The following DPP4 variants were observed in gnomAD, a reference collection of about 807,000 sequenced individuals.
The protein encoded by DPP4 is dipeptidyl peptidase 4, also known as ADCP-2.
In DPP4, 93 loss-of-function variants were observed where a neutral mutation model predicts 122.4. The ratio of observed to expected loss-of-function variants is 0.76; its 90% CI spans 0.64 to 0.90. The LOEUF is 0.90. Ranked by LOEUF, DPP4 falls within the 40% of genes least tolerant of loss-of-function variation. The pLI, the probability that DPP4 is intolerant of heterozygous loss-of-function variation, is 0.00. For synonymous variants in DPP4, 321 were observed against 302.9 expected (o/e 1.06, Z -0.62); for missense variants, 914 against 907.3 (o/e 1.01, Z -0.09).
intron 8 of DPP4, among the ~76,000 whole-genome samples, chr2:162,037,982 G>T (rs946022480): frequency 1.3e-5 from 2 of 152,112 alleles, no homozygotes; most frequent in African/African-American, 4.8e-5. Flanking sequence ...CTTAATTAGA[G>T]AAATATCTGA....
chr2:161,997,036 A>T lies in DPP4; in HGVS notation c.2053-1664T>A, dbSNP rs535725372. Among the ~76,000 whole-genome samples the T allele has an allele frequency of 2.6e-5, 4 of 152,318 alleles. No homozygotes were observed. The East Asian group carries it at 7.7e-4, about 29-fold the overall frequency. ...TTAACAGTGTTTCTGGAAAAAAGAC[A>T]TTTTATCTACGACTTTCAGGACAGA... is the stretch of plus-strand genomic sequence containing the variant. On this transcript the variant is annotated intron_variant, in intron 23 of 25. Coordinates refer to ENST00000360534, the MANE Select transcript of DPP4 (RefSeq NM_001935.4).
intron 24 of DPP4, 97 bp downstream of exon 24, chr2:161,995,203 T>C: frequency 7.4e-7 from 1 of 1,345,996 alleles, no homozygotes; most frequent in Non-Finnish European, 1.1e-6. Flanking sequence ...TTTATTGAAG[T>C]AAATGTAACA....
At chr2:162,061,163 T>A (rs1684759878) in intron 2 of DPP4, among the ~76,000 whole-genome samples, 1 of 152,122 alleles carries the variant, frequency 6.6e-6, no homozygotes, top group Non-Finnish European at 1.5e-5. Context: ...TGCCTCAGCA[T>A]CCCAAAGAGC....
chr2:162,043,176 G>GT (rs1370506316), intron 5 of DPP4, among the ~76,000 whole-genome samples: 1 of 152,164 alleles, frequency 6.6e-6, no homozygotes, highest in Admixed American at 6.5e-5. Flanking sequence ...AGATATCCGT[G>GT]TTTTTTCAAA....
intron 25 of DPP4, among the ~76,000 whole-genome samples, chr2:161,993,719 AGGGCGC>A (rs1006740626): frequency 3.9e-5 from 6 of 152,184 alleles, no homozygotes; most frequent in African/African-American, 1.4e-4. Flanking sequence ...TTTGACTCAA[AGGGCGC>A]TTACACAGCA....
At chr2:162,058,647 G>A (rs1684659172) in intron 2 of DPP4, among the ~76,000 whole-genome samples, 2 of 152,188 alleles carry the variant, frequency 1.3e-5, no homozygotes, top group African/African-American at 4.8e-5. Context: ...ATCTAGACCT[G>A]GAGTTGGCAA....
At chr2:162,056,604 C>G (rs886828433) in intron 2 of DPP4, among the ~76,000 whole-genome samples, 1 of 152,154 alleles carries the variant, frequency 6.6e-6, no homozygotes, top group Non-Finnish European at 1.5e-5. Flanking sequence ...TGGGTGCAGG[C>G]CAAGCAAACT....
intron 19 of DPP4, among the ~76,000 whole-genome samples, chr2:162,012,348 A>G (rs1014444): frequency 0.42 from 63,084 of 151,904 alleles, 13,734 homozygotes; most frequent in East Asian, 0.65. Flanking sequence ...CAATAAATGC[A>G]GCTTTGGATA....
intron 16 of DPP4, among the ~76,000 whole-genome samples, 161 bp downstream of exon 16, chr2:162,018,568 A>AG (rs1322988063): frequency 6.6e-6 from 1 of 152,204 alleles, no homozygotes; most frequent in Non-Finnish European, 1.5e-5. Context: ...CTCAGTGATA[A>AG]GGGGAAGAAA....
chr2:161,993,310 G>A lies in DPP4; in HGVS notation c.2274C>T (p.Phe758=). ...AAGGTAAAGAGAAACATTGTTTTATGAAGTGGCTCATGTGGGTATATATAT... is the reference window on the plus strand; with the variant it reads ...AAGGTAAAGAGAAACATTGTTTTATAAAGTGGCTCATGTGGGTATATATAT... ...HQHIYTHMSH[F]IKQCFSLP Residue 758 remains phenylalanine (F), a synonymous_variant, in exon 26 of 26, where the codon TTC becomes TTT. Coordinates refer to ENST00000360534, the MANE Select transcript of DPP4 (RefSeq NM_001935.4). 1 of 1,613,366 alleles carries A rather than the reference G, an allele frequency of 6.2e-7. No homozygotes were observed.
chr2:162,023,854 T>C (rs770566482), intron 11 of DPP4, among the ~76,000 whole-genome samples: 2 of 152,220 alleles, frequency 1.3e-5, no homozygotes, highest in Non-Finnish European at 2.9e-5. Flanking sequence ...ATACCATAAG[T>C]GGCAGCTTTT....
At chr2:162,013,817 T>TA (rs1328055321) in intron 19 of DPP4, among the ~76,000 whole-genome samples, 1 of 152,196 alleles carries the variant, frequency 6.6e-6, no homozygotes, top group Non-Finnish European at 1.5e-5. Flanking sequence ...CTAATGATTA[T>TA]AAAAAATATT....
chr2:162,039,064 C>G lies in DPP4; in HGVS notation c.420-43G>C, dbSNP rs759457193. On this transcript the variant is annotated intron_variant, in intron 6 of 25. Coordinates refer to ENST00000360534, the MANE Select transcript of DPP4 (RefSeq NM_001935.4). Reference sequence around the variant, plus strand: ...GGAAATATTATCAAAAAGAATAACTCACATTGGGGTTTCCTTAAAAATATG... The same window carrying G: ...GGAAATATTATCAAAAAGAATAACTGACATTGGGGTTTCCTTAAAAATATG... The G allele has an allele frequency of 3.7e-6, 6 of 1,611,948 alleles. No individual in the cohort carries two copies. In the East Asian group the frequency reaches 1.3e-4, roughly 36 times the overall value.
chr2:162,065,369 G>A (rs1159471364), intron 2 of DPP4, among the ~76,000 whole-genome samples: 1 of 152,156 alleles, frequency 6.6e-6, no homozygotes, highest in Non-Finnish European at 1.5e-5. Flanking sequence ...ATGACATACT[G>A]GAGATCAAAA....
chr2:162,011,835 C>T lies in DPP4; in HGVS notation c.1790G>A (p.Arg597Lys), dbSNP rs1216394271. 6.2e-7 allele frequency: 1 copy of T among 1,613,574 alleles called. No individual in the cohort carries two copies. Among genetic ancestry groups the T allele is most frequent in the Non-Finnish European group, 8.5e-7 (1 of 1,179,730 alleles). ...GDKIMHAINR[R>K]LGTFEVEDQI... ...ATCTTCAACTTCAAATGTTCCCAGT[C>T]TTCTGTTGATTGCATGCATGATCTT... Residue 597 changes from arginine to lysine, a missense_variant, in exon 20 of 26, where the codon AGA (arginine) becomes AAA (lysine). Coordinates refer to ENST00000360534, the MANE Select transcript of DPP4 (RefSeq NM_001935.4).
chr2:162,073,409 C>T lies in DPP4; in HGVS notation c.84G>A (p.Leu28=), dbSNP rs1224204141. Residue 28 remains leucine (L), a synonymous_variant, in exon 2 of 26, where the codon CTG becomes CTA. Transcript: ENST00000360534. ...ATGTTTCAAACTTACTGCCTTTGTT[C>T]AGCAGAACCACGGGCACGGTGATGA... ...VTIITVPVVL[L]NKGTDDATAD... is the part of the protein sequence containing the mutation. 2.5e-6 allele frequency: 4 copies of T among 1,613,926 alleles called. No individual in the cohort carries two copies. The African/African-American group carries it at 4.0e-5, about 16-fold the overall frequency.
At position 162,019,241 on chromosome 2, in the gene DPP4, C is replaced by T; in HGVS notation, c.1280G>A (p.Gly427Glu). 1.3e-6 allele frequency: 2 copies of T among 1,596,188 alleles called. No homozygotes were observed. Among genetic ancestry groups the T allele is most frequent in the Non-Finnish European group, 1.7e-6 (2 of 1,167,232 alleles). Residue 427 changes from glycine (G) to glutamate (E), a missense_variant, in exon 15 of 26, where the codon GGA becomes GAA. By Grantham distance (98) the Gly-to-Glu change is moderately conservative. Coordinates refer to ENST00000360534, the MANE Select transcript of DPP4 (RefSeq NM_001935.4). ...YISNEYKGMP[G>E]GRNLYKIQLS... ...CTCTTACTTATAAAGATTCCTTCCT[C>T]CTGGCATTCCTTTATATTCATTACT... is the stretch of plus-strand genomic sequence containing the variant.
chr2:162,060,585 T>C (rs1243148182), intron 2 of DPP4, among the ~76,000 whole-genome samples: 1 of 152,228 alleles, frequency 6.6e-6, no homozygotes, highest in African/African-American at 2.4e-5. Context: ...TCCTGCAGTA[T>C]ACATTTTGAA....
At chr2:162,038,882 G>T (rs941521077) in intron 7 of DPP4, 67 bp downstream of exon 7, 4 of 1,352,418 alleles carry the variant, frequency 3.0e-6, no homozygotes, top group South Asian at 2.3e-5. Context: ...TTGTATCAGG[G>T]TTAGTAACTT....
Sources: gnomAD v4.1 joint callset for allele counts (sites outside exome capture counted in the v4.1 genomes callset) on GRCh38, gnomAD v4.1.1 for gene constraint, MANE v1.5 for transcripts, NCBI Gene and HGNC (gene_info 2026-07-23, HGNC 2026-07-21) for gene names.